ROCK1: variants seen among roughly 807,000 people sequenced by gnomAD.
The protein encoded by ROCK1 is Rho associated coiled-coil containing protein kinase 1.
A neutral mutation model predicts 196.8 loss-of-function variants in ROCK1; 36 were observed. The observed-to-expected ratio is 0.18, with a 90% CI of 0.14 to 0.24. The LOEUF (loss-of-function observed/expected upper bound fraction) is 0.24. Among genes scored for constraint, ROCK1 ranks in the 10% least tolerant of loss-of-function variants. The probability of loss-of-function intolerance (pLI) is 1.00; values close to 1 mark genes in which losing one functional copy is unlikely to be tolerated. For synonymous variants in ROCK1, 443 were observed against 515.9 expected, an observed-to-expected ratio of 0.86 and a Z score of 1.91; for missense variants, 920 against 1,562.0, an observed-to-expected ratio of 0.59 and a Z score of 6.93.
intron 1 of ROCK1, among the ~76,000 whole-genome samples, chr18:21,093,398 T>C (rs2036587230): frequency 6.6e-6 from 1 of 152,184 alleles, no homozygotes; most frequent in South Asian, 2.1e-4. Flanking sequence ...TTTTGTGAAG[T>C]TTCAAATGCT....
chr18:21,056,957 G>A (rs926005540), intron 2 of ROCK1, among the ~76,000 whole-genome samples: 7 of 152,018 alleles, frequency 4.6e-5, no homozygotes, highest in East Asian at 3.9e-4. Flanking sequence ...TTTTTCAAAT[G>A]TCACCTTTTA....
At position 21,042,555 on chromosome 18, in the gene ROCK1, C is replaced by A. The variant is rs1233647046; in HGVS notation, c.820+10G>T. ...CTGTAATAGAGAGACATAAAATCTT[C>A]CTTACTCACCTACAAGCATTTCGTA... On this transcript the variant is annotated intron_variant, in intron 7 of 32. Coordinates refer to ENST00000399799, the MANE Select transcript of ROCK1 (RefSeq NM_005406.3). The A allele has an allele frequency of 5.6e-6, 9 of 1,612,914 alleles. No individual in the cohort carries two copies. Among genetic ancestry groups the A allele is most frequent in the South Asian group, 5.5e-5 (5 of 90,920 alleles).
At chr18:21,096,992 A>C (rs560001540) in intron 1 of ROCK1, among the ~76,000 whole-genome samples, 1 of 152,182 alleles carries the variant, frequency 6.6e-6, no homozygotes, top group Non-Finnish European at 1.5e-5. Context: ...GACTATAAAG[A>C]TGAGAAAATT....
Position 20,951,328 on chromosome 18 carries a change from A to C in ROCK1, c.*56T>G. ...CCTGTCTGCTCTGCATGGTTAAAGA[A>C]GCCTGGTTTATCAGGTAGCATCCCA... is the stretch of plus-strand genomic sequence containing the variant. On this transcript the variant is annotated 3_prime_UTR_variant, in exon 33 of 33. Coordinates refer to ENST00000399799, the MANE Select transcript of ROCK1 (RefSeq NM_005406.3). The C allele has an allele frequency of 6.4e-7, 1 of 1,557,876 alleles. No individual in the cohort carries two copies. The highest frequency in any genetic ancestry group is 1.2e-5 in the South Asian group (1 of 85,712).
At chr18:20,987,352 A>C (rs2035586747) in intron 18 of ROCK1, among the ~76,000 whole-genome samples, 1 of 152,226 alleles carries the variant, frequency 6.6e-6, no homozygotes, top group South Asian at 2.1e-4. Flanking sequence ...GCTCTTGCCC[A>C]GTGATGAGAG....
intron 18 of ROCK1, 124 bp from the exon 19 acceptor site, chr18:20,987,234 G>T: frequency 1.3e-6 from 1 of 747,386 alleles, no homozygotes. Flanking sequence ...CTTGAATAGA[G>T]CTAGTAATTA....
intron 1 of ROCK1, among the ~76,000 whole-genome samples, chr18:21,078,559 C>A (rs542903249): frequency 6.6e-6 from 1 of 152,188 alleles, no homozygotes; most frequent in South Asian, 2.1e-4. Context: ...AGCTCTGGGA[C>A]CCATCAGTCC....
At chr18:20,959,218 A>T (rs552050579) in intron 29 of ROCK1, among the ~76,000 whole-genome samples, 62 of 92,876 alleles carry the variant, frequency 6.7e-4, no homozygotes, top group East Asian at 2.3e-3. Context: ...TAATATATAT[A>T]TTTTTTTTTT....
intron 16 of ROCK1, among the ~76,000 whole-genome samples, chr18:20,998,067 C>T (rs1331574758): frequency 2.6e-5 from 4 of 152,044 alleles, no homozygotes. Flanking sequence ...GAACTTCTGA[C>T]CTCAAGTGAT....
chr18:21,091,329 G>A (rs1265758737), intron 1 of ROCK1, among the ~76,000 whole-genome samples: 2 of 151,770 alleles, frequency 1.3e-5, no homozygotes, highest in African/African-American at 4.8e-5. Flanking sequence ...TAATAGCCAG[G>A]AATGGTGGCT....
Position 20,951,310 on chromosome 18 carries a change from G to A in ROCK1, c.*74C>T, listed in dbSNP as rs201895102. 1,738 of 1,390,788 alleles carry A rather than the reference G, an allele frequency of 1.2e-3. 2 individuals are homozygous for A. The highest frequency in any genetic ancestry group is 1.6e-3 in the Non-Finnish European group (1,635 of 999,646). The allele number at this position is 1,390,788 out of a possible 1,614,324, so 86.2% of individuals were successfully genotyped here. On this transcript the variant is annotated 3_prime_UTR_variant, in exon 33 of 33. Transcript: ENST00000399799. The stretch of plus-strand genomic sequence containing the variant: ...TTTGTGTCAAAGAAACAGCCTGTCT[G>A]CTCTGCATGGTTAAAGAAGCCTGGT...
chr18:21,062,437 A>C (rs1447794148), intron 2 of ROCK1, among the ~76,000 whole-genome samples: 1 of 152,140 alleles, frequency 6.6e-6, no homozygotes, highest in Non-Finnish European at 1.5e-5. Flanking sequence ...TAGTGGCAAA[A>C]ACTGCAATTA....
At chr18:21,006,847 T>C (rs2035773327) in intron 14 of ROCK1, 57 bp from the exon 15 acceptor site, 3 of 1,204,026 alleles carry the variant, frequency 2.5e-6, no homozygotes, top group Admixed American at 4.8e-5. Flanking sequence ...GGGAAACATA[T>C]AAATCCTTTT....
chr18:21,020,048 C>T (rs2035901185), intron 12 of ROCK1, 103 bp downstream of exon 12: 2 of 614,692 alleles, frequency 3.3e-6, no homozygotes, highest in Admixed American at 3.4e-5. Context: ...ATCTTTACAT[C>T]CTCATTTTCT....
chr18:21,030,499 G>C (rs766000883), intron 9 of ROCK1, among the ~76,000 whole-genome samples: 2 of 152,152 alleles, frequency 1.3e-5, no homozygotes, highest in Admixed American at 6.5e-5. Flanking sequence ...GAGTAAGTGT[G>C]CTGCATTTTC....
intron 9 of ROCK1, among the ~76,000 whole-genome samples, chr18:21,029,978 G>A (rs1467908692): frequency 6.6e-6 from 1 of 151,974 alleles, no homozygotes; most frequent in Non-Finnish European, 1.5e-5. Flanking sequence ...GGTATTTCAG[G>A]CAAGAAATAC....
rs929226028 is a variant in ROCK1 at position 20,950,116 on chromosome 18, C to T, written c.*1268G>A. The T allele has an allele frequency of 6.6e-6, 1 of 152,610 alleles. No homozygotes were observed. Among genetic ancestry groups the T allele is most frequent in the African/African-American group, 2.4e-5 (1 of 41,440 alleles). 9.5% of individuals were successfully genotyped at this position (152,610 alleles called of 1,614,324 possible). Reference sequence around the variant, plus strand: ...AAAAATAAACAATAAATCATACTGTCCATATGAATCAACTCTTGTTACTGG... The same window carrying T: ...AAAAATAAACAATAAATCATACTGTTCATATGAATCAACTCTTGTTACTGG... On this transcript the variant is annotated 3_prime_UTR_variant, in exon 33 of 33. Transcript: ENST00000399799.
intron 1 of ROCK1, among the ~76,000 whole-genome samples, chr18:21,077,252 C>T (rs1341959100): frequency 2.6e-5 from 4 of 152,106 alleles, no homozygotes; most frequent in Admixed American, 1.3e-4. Flanking sequence ...GGATTACAGG[C>T]GTGAGCCACC....
Position 21,039,455 on chromosome 18 carries a change from G to GA in ROCK1, c.1051+16dup, listed in dbSNP as rs558703112. ...TTCAAATATTCACTAAAATATGAAA[G>GA]AAAAAAAAAAACTTACTGTCTCGGA... On this transcript the variant is annotated intron_variant, in intron 9 of 32. Coordinates refer to ENST00000399799, the MANE Select transcript of ROCK1 (RefSeq NM_005406.3). The GA allele has an allele frequency of 0.12, 122,916 of 1,008,138 alleles. No homozygotes were observed. Among genetic ancestry groups the GA allele is most frequent in the South Asian group, 0.15 (7,366 of 50,054 alleles). 62.4% of individuals were successfully genotyped at this position (1,008,138 alleles called of 1,614,324 possible). A position where few individuals can be genotyped will look rare whatever the true frequency, so the allele number is the denominator to read the frequency against.
Sources: gnomAD v4.1 joint callset for allele counts (sites outside exome capture counted in the v4.1 genomes callset) on GRCh38, gnomAD v4.1.1 for gene constraint, MANE v1.5 for transcripts, NCBI Gene and HGNC (gene_info 2026-07-23, HGNC 2026-07-21) for gene names.